Variants in ZNF225 observed in about 807,000 individuals in gnomAD.
ZNF225 encodes zinc finger protein 225.
Under a neutral mutation model 12.0 loss-of-function variants are expected in ZNF225, and 6 were observed. That is an observed-to-expected ratio of 0.50 (90% CI 0.27 to 0.98). The LOEUF (loss-of-function observed/expected upper bound fraction) is 0.98. Among genes scored for constraint, ZNF225 ranks in the 50% least tolerant of loss-of-function variants. ZNF225 has a pLI of 0.11. For missense variants in ZNF225, 763 were observed against 848.2 expected (o/e 0.90, Z 1.25); for synonymous variants, 271 against 283.2 (o/e 0.96, Z 0.43).
chr19:44,112,960 G>A (rs1444063062), upstream of ZNF225: 3 of 152,212 alleles, frequency 2.0e-5, no homozygotes, highest in Non-Finnish European at 2.9e-5. Flanking sequence ...CTGGACCAGG[G>A]AGAGAGAAGG....
chr19:44,127,760 G>C (rs1446649069), intron 4 of ZNF225, among the ~76,000 whole-genome samples: 5 of 151,934 alleles, frequency 3.3e-5, no homozygotes, highest in Admixed American at 3.3e-4. Flanking sequence ...TGATTCTCCT[G>C]CCTCAGCCTC....
chr19:44,117,794 G>A (rs1383335355), intron 2 of ZNF225, among the ~76,000 whole-genome samples: 7 of 152,138 alleles, frequency 4.6e-5, no homozygotes, highest in East Asian at 3.8e-4. Context: ...CGAGGCAGGC[G>A]GATCACCTGA....
chr19:44,131,377 A>G lies in ZNF225; in HGVS notation c.763A>G (p.Thr255Ala). Residue 255 changes from threonine (T) to alanine (A), a missense_variant, in exon 5 of 5, where the codon ACA becomes GCA. Transcript: ENST00000262894. ...ACTTTATGTTCATCGTAAATTACAC[A>G]CAGGAGTGAAACCTCATATTTGTGA... ...SGLYVHRKLH[T>A]GVKPHICEKC... is the part of the protein sequence containing the mutation. 4.3e-6 allele frequency: 7 copies of G among 1,614,216 alleles called. No homozygotes were observed. Among genetic ancestry groups the G allele is most frequent in the Non-Finnish European group, 5.9e-6 (7 of 1,180,040 alleles).
Position 44,131,082 on chromosome 19 carries a change from C to G in ZNF225, c.468C>G (p.Ser156=). The G allele has an allele frequency of 6.2e-7, 1 of 1,614,106 alleles. No individual in the cohort carries two copies. The highest frequency in any genetic ancestry group is 8.5e-7 in the Non-Finnish European group (1 of 1,179,956). Residue 156 remains serine (S), a synonymous_variant, in exon 5 of 5, where the codon TCC becomes TCG. Coordinates refer to ENST00000262894, the MANE Select transcript of ZNF225 (RefSeq NM_013362.4). ...CTGAGGGTAGGACGTGTAAAAAGTC[C>G]TTTAGTGATGTCTCCGTCCTTGATC... is the stretch of plus-strand genomic sequence containing the variant. ...KPSEGRTCKK[S]FSDVSVLDLH...
chr19:44,115,976 T>A, intron 2 of ZNF225, 134 bp downstream of exon 2: 3 of 863,344 alleles, frequency 3.5e-6, no homozygotes, highest in Non-Finnish European at 5.2e-6. Context: ...ATTCTCCTGC[T>A]TCAGCCTCCC....
intron 4 of ZNF225, among the ~76,000 whole-genome samples, chr19:44,127,982 C>G (rs1053699615): frequency 6.6e-6 from 1 of 152,212 alleles, no homozygotes; most frequent in Non-Finnish European, 1.5e-5. Context: ...ATGTCTCCTT[C>G]TGAAACAGCT....
At position 44,132,555 on chromosome 19, in the gene ZNF225, T is replaced by A. The variant is rs1968303803; in HGVS notation, c.1941T>A (p.Ser647Arg). 1 of 1,613,906 alleles carries A rather than the reference T, an allele frequency of 6.2e-7. No individual in the cohort carries two copies. Among genetic ancestry groups the A allele is most frequent in the Admixed American group, 1.7e-5 (1 of 59,976 alleles). ...STHLTHQRLHSREKLLQCEDC... is the reference protein window; with the variant it reads ...STHLTHQRLHRREKLLQCEDC... ...ATCTAACCCATCAGAGACTCCACAG[T>A]AGAGAAAAACTACTTCAATGTGAGG... The change falls in exon 5 of 5, where the codon AGT becomes AGA. Residue 647 changes from serine to arginine, a missense_variant. Ser to Arg is a moderately radical substitution (Grantham distance 110). Coordinates refer to ENST00000262894, the MANE Select transcript of ZNF225 (RefSeq NM_013362.4).
intron 2 of ZNF225, among the ~76,000 whole-genome samples, chr19:44,116,519 C>T (rs957615573): frequency 2.0e-5 from 3 of 152,104 alleles, no homozygotes; most frequent in Non-Finnish European, 4.4e-5. Flanking sequence ...GTACCTCACA[C>T]AATGTTACCA....
At position 44,118,500 on chromosome 19, in the gene ZNF225, G is replaced by A; in HGVS notation, c.161G>A (p.Arg54Lys). 6.2e-7 allele frequency: 1 copy of A among 1,613,638 alleles called. No individual in the cohort carries two copies. Among genetic ancestry groups the A allele is most frequent in the Non-Finnish European group, 8.5e-7 (1 of 1,179,700 alleles). ...LLSVGHQSLH[R>K]DTFHFLKEEK... ...TTCACAGGGCATCAATCACTCCACA[G>A]AGATACTTTCCACTTCCTAAAGGAA... The change falls in exon 4 of 5, where the codon AGA becomes AAA. Residue 54 changes from arginine (R) to lysine (K), a missense_variant. Arg to Lys is a conservative substitution (Grantham distance 26, BLOSUM62 2). Coordinates refer to ENST00000262894, the MANE Select transcript of ZNF225 (RefSeq NM_013362.4).
intron 4 of ZNF225, among the ~76,000 whole-genome samples, chr19:44,119,103 A>C (rs1183587290): frequency 3.3e-5 from 5 of 152,164 alleles, no homozygotes; most frequent in African/African-American, 1.2e-4. Flanking sequence ...GGCGTGAGCC[A>C]CCGCGCCCGG....
In ZNF225 at chr19:44,132,283, A is replaced by C. The variant is rs750945898; in HGVS notation, c.1669A>C (p.Met557Leu). The C allele has an allele frequency of 5.6e-6, 9 of 1,613,160 alleles. No individual in the cohort carries two copies. In the African/African-American group the frequency reaches 1.2e-4, roughly 22 times the overall value. Reference sequence around the variant, plus strand: ...CTTCAACAGTAAGTTTAATCTTGACATGCACCAGAGGGTCCACACCGGAGA... The same window carrying C: ...CTTCAACAGTAAGTTTAATCTTGACCTGCACCAGAGGGTCCACACCGGAGA... ...KGFNSKFNLDMHQRVHTGERP... is the reference protein window; with the variant it reads ...KGFNSKFNLDLHQRVHTGERP... Residue 557 changes from methionine (M) to leucine (L), a missense_variant, in exon 5 of 5, where the codon ATG (methionine) becomes CTG (leucine). By Grantham distance (15) the Met-to-Leu change is conservative (BLOSUM62 2). Transcript: ENST00000262894.
At chr19:44,114,718 C>T (rs1269293508) in intron 1 of ZNF225, among the ~76,000 whole-genome samples, 1 of 152,198 alleles carries the variant, frequency 6.6e-6, no homozygotes, top group Non-Finnish European at 1.5e-5. Context: ...ACCATGTTGG[C>T]CAGGCTGGTC....
At chr19:44,121,468 A>G (rs1968055617) in intron 4 of ZNF225, among the ~76,000 whole-genome samples, 1 of 152,212 alleles carries the variant, frequency 6.6e-6, no homozygotes, top group African/African-American at 2.4e-5. Flanking sequence ...ATGTGCAAGT[A>G]TCTTTTTCGT....
chr19:44,134,592 T>G lies in ZNF225; in HGVS notation c.*1857T>G, dbSNP rs982725232. ...CTGTCACCGATACCAGAATAGCTCA[T>G]CTCCAAGGTAACTGTAACAGAACAC... On this transcript the variant is annotated 3_prime_UTR_variant, in exon 5 of 5. Transcript: ENST00000262894. The G allele has an allele frequency of 6.6e-6, 1 of 152,202 alleles. No homozygotes were observed. Among genetic ancestry groups the G allele is most frequent in the African/African-American group, 2.4e-5 (1 of 41,446 alleles). 9.4% of individuals were successfully genotyped at this position (152,202 alleles called of 1,614,324 possible).
Position 44,131,669 on chromosome 19 carries a change from G to A in ZNF225, c.1055G>A (p.Arg352His), listed in dbSNP as rs62623665. 59,339 of 1,614,060 alleles carry A rather than the reference G, an allele frequency of 0.037. 1,321 individuals are homozygous for A. The highest frequency in any genetic ancestry group is 0.07 in the African/African-American group (5,228 of 74,986). The change falls in exon 5 of 5, where the codon CGC (arginine) becomes CAC (histidine). Residue 352 changes from arginine to histidine, a missense_variant. Arg to His is a conservative substitution (Grantham distance 29, BLOSUM62 0). Transcript: ENST00000262894. ...KRYKCEECGK[R>H]FIYRQDLYKH... ...TACAAATGTGAGGAATGTGGAAAAC[G>A]CTTCATTTATAGGCAAGATCTTTAT... is the stretch of plus-strand genomic sequence containing the variant.
chr19:44,115,950 C>A, intron 2 of ZNF225, 108 bp downstream of exon 2: 1 of 1,117,896 alleles, frequency 8.9e-7, no homozygotes, highest in Non-Finnish European at 1.3e-6. Context: ...CAACCTCCAC[C>A]TCCGGAGTTC....
intron 4 of ZNF225, chr19:44,129,629 T>G (rs1968208371): frequency 6.6e-6 from 1 of 152,246 alleles, no homozygotes. Flanking sequence ...GGTTGACTGA[T>G]TCCACATGAC....
chr19:44,121,582 T>C (rs571748614), intron 4 of ZNF225, among the ~76,000 whole-genome samples: 5 of 152,350 alleles, frequency 3.3e-5, no homozygotes, highest in South Asian at 4.1e-4. Context: ...TTGTTTTCCA[T>C]AGTGGCTGTA....
At chr19:44,127,907 G>T (rs1413903094) in intron 4 of ZNF225, among the ~76,000 whole-genome samples, 1 of 152,106 alleles carries the variant, frequency 6.6e-6, no homozygotes, top group Non-Finnish European at 1.5e-5. Context: ...CTCCCAAAGT[G>T]CTGGGATTGC....
Sources: allele counts gnomAD v4.1 joint callset (sites outside exome capture counted in the v4.1 genomes callset), GRCh38; gene constraint gnomAD v4.1.1; transcripts MANE v1.5; gene names NCBI Gene and HGNC (gene_info 2026-07-23, HGNC 2026-07-21).